The following PDE4B variants were observed in gnomAD, a reference collection of about 807,000 sequenced individuals.
PDE4B encodes the protein 3',5'-cyclic-AMP phosphodiesterase 4B.
Under a neutral mutation model 82.2 loss-of-function variants are expected in PDE4B, and 20 were observed. The observed-to-expected ratio is 0.24, with a 90% CI of 0.17 to 0.35. The LOEUF (loss-of-function observed/expected upper bound fraction) is 0.35, where lower values mean the gene tolerates loss of function less well. Among genes scored for constraint, PDE4B ranks in the 10% least tolerant of loss-of-function variants. PDE4B has a pLI of 1.00. For synonymous variants in PDE4B, 320 were observed against 318.9 expected (o/e 1.00, Z -0.04); for missense variants, 655 against 907.2 (o/e 0.72, Z 3.57).
intron 3 of PDE4B, among the ~76,000 whole-genome samples, chr1:66,097,537 CT>C (rs1021520985): frequency 1.3e-4 from 20 of 151,830 alleles, no homozygotes; most frequent in African/African-American, 4.6e-4. Context: ...TTCAAATTTA[CT>C]TTTTTTTCTG....
At chr1:66,212,226 G>A (rs929872654) in intron 3 of PDE4B, among the ~76,000 whole-genome samples, 1 of 152,160 alleles carries the variant, frequency 6.6e-6, no homozygotes, top group African/African-American at 2.4e-5. Context: ...TCTGCTTACA[G>A]TTGGTACCAA....
At chr1:66,007,242 C>T (rs1569954460) in intron 3 of PDE4B, among the ~76,000 whole-genome samples, 2 of 152,088 alleles carry the variant, frequency 1.3e-5, no homozygotes, top group Non-Finnish European at 1.5e-5. Flanking sequence ...GTCAGGCATT[C>T]AAGACTAGCC....
chr1:66,265,554 A>G (rs183148821), intron 6 of PDE4B, among the ~76,000 whole-genome samples: 18 of 152,218 alleles, frequency 1.2e-4, no homozygotes, highest in African/African-American at 3.4e-4. Flanking sequence ...TGGTTGTGTG[A>G]CCTTGGCAAG....
chr1:65,949,330 C>CCCTTCCT (rs1314703559), intron 3 of PDE4B, among the ~76,000 whole-genome samples: 1 of 152,100 alleles, frequency 6.6e-6, no homozygotes, highest in African/African-American at 2.4e-5. Context: ...GCCTTTTAAG[C>CCCTTCCT]CCTTCCTCCA....
At chr1:66,180,618 G>T (rs1342159712) in intron 3 of PDE4B, among the ~76,000 whole-genome samples, 2 of 152,178 alleles carry the variant, frequency 1.3e-5, no homozygotes, top group Non-Finnish European at 2.9e-5. Context: ...GGCAAAAGAG[G>T]TGGAATACTC....
chr1:66,012,377 A>C (rs955891878), intron 3 of PDE4B, among the ~76,000 whole-genome samples: 1 of 152,170 alleles, frequency 6.6e-6, no homozygotes, highest in Non-Finnish European at 1.5e-5. Context: ...GAGCATCATT[A>C]TAATTCTATC....
chr1:66,124,830 A>C (rs1553149117), intron 3 of PDE4B, among the ~76,000 whole-genome samples: 1 of 151,938 alleles, frequency 6.6e-6, no homozygotes, highest in Non-Finnish European at 1.5e-5. Context: ...CCAGTACTCC[A>C]GTTTCCTCCC....
intron 3 of PDE4B, among the ~76,000 whole-genome samples, chr1:66,148,520 A>G (rs1310525128): frequency 1.3e-5 from 2 of 152,194 alleles, no homozygotes; most frequent in Admixed American, 6.6e-5. Flanking sequence ...CATAAAATTT[A>G]TCTTTGTAAT....
chr1:66,291,377 G>A (rs1228886962), intron 7 of PDE4B, among the ~76,000 whole-genome samples: 2 of 152,130 alleles, frequency 1.3e-5, no homozygotes, highest in African/African-American at 4.8e-5. Context: ...CAGTATAATG[G>A]CAAATCAGCC....
chr1:66,165,598 T>C (rs527552532), intron 3 of PDE4B, among the ~76,000 whole-genome samples: 42 of 152,024 alleles, frequency 2.8e-4, no homozygotes, highest in Non-Finnish European at 5.6e-4. Context: ...TTCTATATAA[T>C]AGCAATGAAT....
At chr1:66,116,397 T>C (rs891424296) in intron 3 of PDE4B, among the ~76,000 whole-genome samples, 1 of 152,150 alleles carries the variant, frequency 6.6e-6, no homozygotes, top group African/African-American at 2.4e-5. Context: ...ACTAGGTACT[T>C]TGTGCTGGGC....
intron 3 of PDE4B, among the ~76,000 whole-genome samples, chr1:65,994,410 G>A (rs1651419680): frequency 1.3e-5 from 2 of 151,978 alleles, no homozygotes; most frequent in African/African-American, 4.8e-5. Flanking sequence ...ATTTTCTTTG[G>A]TCATCTTCTT....
In PDE4B at chr1:66,354,417, T is replaced by C. The variant is rs950186199; in HGVS notation, c.748-1110T>C. On this transcript the variant is annotated intron_variant, in intron 8 of 16. Coordinates refer to ENST00000341517, the MANE Select transcript of PDE4B (RefSeq NM_002600.4). ...TCTCCTTTTTAAAAGATGGCTGTGTTTCCTAGTCTGGCAACTCCTCAGGAA... is the reference window on the plus strand; with the variant it reads ...TCTCCTTTTTAAAAGATGGCTGTGTCTCCTAGTCTGGCAACTCCTCAGGAA... 3.0e-6 allele frequency: 3 copies of C among 987,684 alleles called. No individual in the cohort carries two copies. In the African/African-American group the frequency reaches 5.2e-5, roughly 17 times the overall value. The allele number at this position is 987,684 out of a possible 1,614,324, so 61.2% of individuals were successfully genotyped here.
chr1:66,313,614 A>G (rs1019594840), intron 7 of PDE4B, among the ~76,000 whole-genome samples: 1 of 152,220 alleles, frequency 6.6e-6, no homozygotes, highest in East Asian at 1.9e-4. Flanking sequence ...AATCTCCTGC[A>G]TTAAGCTTGC....
chr1:66,138,177 T>C (rs1201069585), intron 3 of PDE4B, among the ~76,000 whole-genome samples: 1 of 152,124 alleles, frequency 6.6e-6, no homozygotes, highest in Non-Finnish European at 1.5e-5. Context: ...GAAAACATGG[T>C]TGGTTTTAAC....
chr1:65,958,740 A>ACG lies in PDE4B; in HGVS notation c.281+39906_281+39907insGC, dbSNP rs145610942. Among the ~76,000 whole-genome samples, 997 of 146,268 alleles carry ACG rather than the reference A, an allele frequency of 6.8e-3. 11 individuals are homozygous for ACG. The highest frequency in any genetic ancestry group is 0.024 in the African/African-American group (959 of 40,592). On this transcript the variant is annotated intron_variant, in intron 3 of 16. Coordinates refer to ENST00000341517, the MANE Select transcript of PDE4B (RefSeq NM_002600.4). Reference sequence around the variant, plus strand: ...TATGTTGGTATAATGTGATACACACACACACACACGCGCGCGCGCGCGCGC... The same window carrying ACG: ...TATGTTGGTATAATGTGATACACACACGCACACACACGCGCGCGCGCGCGCGC...
chr1:65,928,278 T>C (rs1647620906), intron 3 of PDE4B, among the ~76,000 whole-genome samples: 1 of 152,234 alleles, frequency 6.6e-6, no homozygotes, highest in Admixed American at 6.5e-5. Context: ...TTCTCTGTTT[T>C]TATAATTTAA....
chr1:66,036,402 C>T (rs114221728), intron 3 of PDE4B, among the ~76,000 whole-genome samples: 1,734 of 152,212 alleles, frequency 0.011, 36 homozygotes, highest in African/African-American at 0.04. Context: ...TCTGCCCAGA[C>T]CAATATGGGT....
chr1:66,253,020 G>T (rs1408340981), intron 4 of PDE4B, among the ~76,000 whole-genome samples: 1 of 152,178 alleles, frequency 6.6e-6, no homozygotes, highest in Non-Finnish European at 1.5e-5. Flanking sequence ...ATACCTACTG[G>T]TATTGATAAT....
Sources: allele counts gnomAD v4.1 joint callset (sites outside exome capture counted in the v4.1 genomes callset), GRCh38; gene constraint gnomAD v4.1.1; transcripts MANE v1.5; gene names NCBI Gene and HGNC (gene_info 2026-07-23, HGNC 2026-07-21).